C2orf66: variants seen among roughly 807,000 people sequenced by gnomAD.
The protein encoded by C2orf66 is chromosome 2 open reading frame 66, also known as uncharacterized protein C2orf66.
A neutral mutation model predicts 7.0 loss-of-function variants in C2orf66; 6 were observed. The ratio of observed to expected loss-of-function variants is 0.86; its 90% CI spans 0.47 to 1.69. C2orf66 has a LOEUF of 1.69. C2orf66 is among the 40% of genes most tolerant of loss of function. The probability of loss-of-function intolerance (pLI) is 0.01; values close to 1 mark genes in which losing one functional copy is unlikely to be tolerated. For synonymous variants in C2orf66, 38 were observed against 43.8 expected, an observed-to-expected ratio of 0.87 and a Z score of 0.52; for missense variants, 107 against 112.0, an observed-to-expected ratio of 0.96 and a Z score of 0.20.
chr2:196,821,304 T>A, the C2orf66 span, among the ~76,000 whole-genome samples: 1 of 152,124 alleles, frequency 6.6e-6, no homozygotes, highest in Non-Finnish European at 1.5e-5. Flanking sequence ...ATATTTCTGT[T>A]GTTTTAAGCC....
At chr2:196,820,571 G>A in the C2orf66 span, among the ~76,000 whole-genome samples, 1 of 152,194 alleles carries the variant, frequency 6.6e-6, no homozygotes, top group African/African-American at 2.4e-5. Flanking sequence ...ACAACCCAAT[G>A]TATAGACCAT....
At chr2:196,809,459 G>A, upstream of C2orf66, 1 of 1,371,974 alleles carries the variant, frequency 7.3e-7, no homozygotes, top group Non-Finnish European at 1.0e-6. Flanking sequence ...AGGAGAAATA[G>A]CATACTGGTT....
the C2orf66 span, among the ~76,000 whole-genome samples, chr2:196,820,437 T>C: frequency 1.4e-4 from 22 of 152,206 alleles, no homozygotes; most frequent in Non-Finnish European, 3.1e-4. Flanking sequence ...TATTTAGATT[T>C]CTGGCTTACT....
At chr2:196,829,123 C>CT in the C2orf66 span, among the ~76,000 whole-genome samples, 2 of 151,766 alleles carry the variant, frequency 1.3e-5, no homozygotes, top group Non-Finnish European at 2.9e-5. Flanking sequence ...TTTTCACTTC[C>CT]TTCTTCATCT....
At chr2:196,829,895 TCAAAA>T in the C2orf66 span, among the ~76,000 whole-genome samples, 1 of 150,162 alleles carries the variant, frequency 6.7e-6, no homozygotes, top group African/African-American at 2.4e-5. Context: ...AGACTCCATC[TCAAAA>T]CAAAACAAAC....
At chr2:196,814,058 A>T (rs1029662196), upstream of C2orf66, among the ~76,000 whole-genome samples, 1 of 152,216 alleles carries the variant, frequency 6.6e-6, no homozygotes, top group Non-Finnish European at 1.5e-5. Context: ...TTGACCCAGC[A>T]ATCCCATTAC....
the C2orf66 span, among the ~76,000 whole-genome samples, chr2:196,829,547 C>G: frequency 6.6e-6 from 1 of 151,282 alleles, no homozygotes; most frequent in Non-Finnish European, 1.5e-5. Context: ...TAACATCCTG[C>G]CACTTCATTC....
At chr2:196,811,080 A>C (rs1699870228), upstream of C2orf66, among the ~76,000 whole-genome samples, 1 of 152,222 alleles carries the variant, frequency 6.6e-6, no homozygotes, top group Non-Finnish European at 1.5e-5. Context: ...AGGCAACCTG[A>C]GGAAGACAGA....
At chr2:196,829,491 A>G in the C2orf66 span, among the ~76,000 whole-genome samples, 1 of 152,022 alleles carries the variant, frequency 6.6e-6, no homozygotes, top group African/African-American at 2.4e-5. Flanking sequence ...CGGGAGGCTG[A>G]GGCAGGAGAA....
the C2orf66 span, among the ~76,000 whole-genome samples, chr2:196,816,616 G>A: frequency 0.032 from 4,908 of 152,164 alleles, 108 homozygotes; most frequent in South Asian, 0.088. Context: ...CTGAGTGATG[G>A]GATCATTCAT....
chr2:196,814,552 C>A, the C2orf66 span, among the ~76,000 whole-genome samples: 1 of 151,926 alleles, frequency 6.6e-6, no homozygotes, highest in East Asian at 1.9e-4. Context: ...GCACATGTAC[C>A]CCAGAACTTA....
Position 196,809,316 on chromosome 2 carries a change from C to T in C2orf66, c.21G>A (p.Leu7=), listed in dbSNP as rs1189456166. The part of the protein sequence containing the change: MTRAPL[L]LLCVALVLLG... Reference sequence around the variant, plus strand: ...GCAGCACCAGGGCAACACATAGTAGCAGGAGAGGTGCTCTGGTCATGGTGG... The same window carrying T: ...GCAGCACCAGGGCAACACATAGTAGTAGGAGAGGTGCTCTGGTCATGGTGG... The change falls in exon 1 of 3, where the codon CTG becomes CTA. Residue 7 remains leucine, a synonymous_variant. Transcript: ENST00000342506. 1 of 1,613,992 alleles carries T rather than the reference C, an allele frequency of 6.2e-7. No homozygotes were observed. Among genetic ancestry groups the T allele is most frequent in the Non-Finnish European group, 8.5e-7 (1 of 1,179,964 alleles).
At position 196,804,809 on chromosome 2, in the gene C2orf66, A is replaced by C. The variant is rs1184680940; in HGVS notation, c.*619T>G. ...ATACTCTGGCAAAGAGCATCTTTGG[A>C]GGCGTTGACAACTTCTAGAATCCCA... On this transcript the variant is annotated 3_prime_UTR_variant, in exon 3 of 3. Coordinates refer to ENST00000342506, the MANE Select transcript of C2orf66 (RefSeq NM_213608.3). Among the ~76,000 whole-genome samples the C allele has an allele frequency of 6.6e-6, 1 of 152,212 alleles. No homozygotes were observed. The highest frequency in any genetic ancestry group is 1.5e-5 in the Non-Finnish European group (1 of 68,030).
At chr2:196,819,874 T>C in the C2orf66 span, among the ~76,000 whole-genome samples, 1 of 152,240 alleles carries the variant, frequency 6.6e-6, no homozygotes, top group Non-Finnish European at 1.5e-5. Context: ...GGAGAGATAA[T>C]TGTAGTTGAC....
chr2:196,827,129 C>T, the C2orf66 span, among the ~76,000 whole-genome samples: 129 of 150,894 alleles, frequency 8.5e-4, 1 homozygote, highest in South Asian at 5.7e-3. Flanking sequence ...AGTCCAGCTA[C>T]TTGGGAGGCT....
At chr2:196,812,268 G>C (rs768050229), upstream of C2orf66, among the ~76,000 whole-genome samples, 1 of 151,958 alleles carries the variant, frequency 6.6e-6, no homozygotes, top group African/African-American at 2.4e-5. Flanking sequence ...TTTTACTGAG[G>C]TTCAACATAT....
upstream of C2orf66, chr2:196,809,510 T>C (rs1003492955): frequency 4.7e-6 from 4 of 860,070 alleles, no homozygotes; most frequent in Non-Finnish European, 7.1e-6. Flanking sequence ...GATTGACTTC[T>C]AAATGAGGAC....
chr2:196,817,791 A>T, the C2orf66 span, among the ~76,000 whole-genome samples: 1 of 152,198 alleles, frequency 6.6e-6, no homozygotes, highest in African/African-American at 2.4e-5. Context: ...AAAAGAATTT[A>T]GTGATATCTT....
At chr2:196,805,870 A>C (rs1268883814) in intron 2 of C2orf66, among the ~76,000 whole-genome samples, 1 of 152,236 alleles carries the variant, frequency 6.6e-6, no homozygotes, top group African/African-American at 2.4e-5. Context: ...AATAGTCAAG[A>C]GAAAACTTCA....
Sources: gnomAD v4.1 joint callset for allele counts (sites outside exome capture counted in the v4.1 genomes callset) on GRCh38, gnomAD v4.1.1 for gene constraint, MANE v1.5 for transcripts, NCBI Gene and HGNC (gene_info 2026-07-23, HGNC 2026-07-21) for gene names.